MOB3C: variants seen among roughly 807,000 people sequenced by gnomAD.
MOB3C encodes the protein MOB kinase activator 3C.
In MOB3C, 17 loss-of-function variants were observed where a neutral mutation model predicts 19.8. The ratio of observed to expected loss-of-function variants is 0.86; its 90% confidence interval spans 0.59 to 1.29. MOB3C has a LOEUF of 1.29. MOB3C is among the 50% of genes most tolerant of loss of function. The probability of loss-of-function intolerance (pLI) is 0.00; values close to 1 mark genes in which losing one functional copy is unlikely to be tolerated. For missense variants in MOB3C, 291 were observed against 301.9 expected, an observed-to-expected ratio of 0.96 and a Z score of 0.27; for synonymous variants, 101 against 119.2, an observed-to-expected ratio of 0.85 and a Z score of 0.99.
Position 46,608,638 on chromosome 1 carries a change from G to C in MOB3C, c.*1017C>G, listed in dbSNP as rs918790269. 6 of 152,636 alleles carry C rather than the reference G, an allele frequency of 3.9e-5. No individual in the cohort carries two copies. The highest frequency in any genetic ancestry group is 8.8e-5 in the Non-Finnish European group (6 of 68,052). The allele number at this position is 152,636 out of a possible 1,614,324, so 9.5% of individuals were successfully genotyped here. A position where few individuals can be genotyped will look rare whatever the true frequency, so the allele number is the denominator to read the frequency against. Reference sequence around the variant, plus strand: ...CTGGGATGGGAGACAAGACTCCAAAGTTCCCAATTCAAGTTCCACAAGCTC... The same window carrying C: ...CTGGGATGGGAGACAAGACTCCAAACTTCCCAATTCAAGTTCCACAAGCTC... On this transcript the variant is annotated 3_prime_UTR_variant, in exon 4 of 4. Coordinates refer to ENST00000319928, the MANE Select transcript of MOB3C (RefSeq NM_201403.3). This position sits in a 1 kb window ranked among gnomAD's most constrained non-coding sequence, Gnocchi z 4.5.
chr1:46,612,940 G>C lies in MOB3C; in HGVS notation c.382C>G (p.Leu128Val). Residue 128 changes from leucine to valine, a missense_variant, in exon 2 of 4, where the codon CTC (leucine) becomes GTC (valine). Coordinates refer to ENST00000319928, the MANE Select transcript of MOB3C (RefSeq NM_201403.3). ...GGAAAGACCTCTTCGTCGTTGATGA[G>C]GCCTTCGATCCAGTCCATGAGCAAT... ...MALLMDWIEGLINDEEVFPTR... is the reference protein window; with the variant it reads ...MALLMDWIEGVINDEEVFPTR... 1 of 1,570,814 alleles carries C rather than the reference G, an allele frequency of 6.4e-7. No homozygotes were observed. The highest frequency in any genetic ancestry group is 8.7e-7 in the Non-Finnish European group (1 of 1,155,030).
chr1:46,613,347 C>T lies in MOB3C; in HGVS notation c.-26G>A. 1 of 1,599,796 alleles carries T rather than the reference C, an allele frequency of 6.3e-7. No individual in the cohort carries two copies. The highest frequency in any genetic ancestry group is 1.3e-5 in the African/African-American group (1 of 74,958). On this transcript the variant is annotated 5_prime_UTR_variant, in exon 2 of 4. Transcript: ENST00000319928. ...GGCCAGCTGGGCCTGGGGCTGCTGT[C>T]CAGGGGCTCGGACCTGAGGATACCC...
In MOB3C at chr1:46,611,295, C is replaced by A. The variant is rs1675467227; in HGVS notation, c.419-1091G>T. Among the ~76,000 whole-genome samples the A allele has an allele frequency of 6.6e-6, 1 of 152,120 alleles. No individual in the cohort carries two copies. Among genetic ancestry groups the A allele is most frequent in the African/African-American group, 2.4e-5 (1 of 41,414 alleles). On this transcript the variant is annotated intron_variant, in intron 2 of 3. Transcript: ENST00000319928. The surrounding 1 kb of genome is among the most constrained non-coding windows in gnomAD (Gnocchi z 4.1). ...TGCTTATAAAGGTGAAGCTGCTAGCCCAAGGCCACATAAGTATTAATCAGT... is the reference window on the plus strand; with the variant it reads ...TGCTTATAAAGGTGAAGCTGCTAGCACAAGGCCACATAAGTATTAATCAGT...
At chr1:46,613,610 AT>A in intron 1 of MOB3C, 1 of 550,076 alleles carries the variant, frequency 1.8e-6, no homozygotes, top group Non-Finnish European at 3.2e-6. Context: ...TTCTGCTTTC[AT>A]TGCAGAGCTG....
chr1:46,613,340 C>A lies in MOB3C; in HGVS notation c.-19G>T. On this transcript the variant is annotated 5_prime_UTR_variant, in exon 2 of 4. Transcript: ENST00000319928. ...GGGCCATGGCCAGCTGGGCCTGGGG[C>A]TGCTGTCCAGGGGCTCGGACCTGAG... 2.5e-6 allele frequency: 4 copies of A among 1,600,872 alleles called. No homozygotes were observed. Among genetic ancestry groups the A allele is most frequent in the Non-Finnish European group, 3.4e-6 (4 of 1,179,708 alleles).
chr1:46,610,203 T>C lies in MOB3C; in HGVS notation c.420A>G (p.Gly140=), dbSNP rs1220225996. The C allele has an allele frequency of 6.2e-7, 1 of 1,613,848 alleles. No individual in the cohort carries two copies. Among genetic ancestry groups the C allele is most frequent in the Admixed American group, 1.7e-5 (1 of 59,998 alleles). Residue 140 remains glycine (G), a splice_region_variant and synonymous_variant, in exon 3 of 4, where the codon GGA becomes GGG. Transcript: ENST00000319928. ...GCTGGAAGTTCTTAGGGAAGGGAAC[T>C]CCTAGAGGGCAGGGGAGGGCAGAAG... ...NDEEVFPTRV[G]VPFPKNFQQV...
chr1:46,613,699 C>T (rs1675515354), intron 1 of MOB3C: 7 of 336,162 alleles, frequency 2.1e-5, no homozygotes, highest in Non-Finnish European at 3.9e-5. Context: ...TGCAGGCCCA[C>T]CAGCAGACAG....
At position 46,609,489 on chromosome 1, in the gene MOB3C, C is replaced by G. The variant is rs1675424668; in HGVS notation, c.*166G>C. The G allele has an allele frequency of 1.2e-6, 1 of 826,234 alleles. No homozygotes were observed. Among genetic ancestry groups the G allele is most frequent in the Admixed American group, 2.1e-5 (1 of 47,788 alleles). The allele number at this position is 826,234 out of a possible 1,614,324, so 51.2% of individuals were successfully genotyped here. A position where few individuals can be genotyped will look rare whatever the true frequency, so the allele number is the denominator to read the frequency against. ...CTCCCCTTCTCCATCCACAAGCGGT[C>G]AGGGCGACAGGTAGGCAGACTCCTG... On this transcript the variant is annotated 3_prime_UTR_variant, in exon 4 of 4. Coordinates refer to ENST00000319928, the MANE Select transcript of MOB3C (RefSeq NM_201403.3).
chr1:46,612,821 C>G, intron 2 of MOB3C, 83 bp downstream of exon 2: 2 of 1,367,382 alleles, frequency 1.5e-6, no homozygotes, highest in Admixed American at 2.4e-5. Flanking sequence ...CAACCCCCAA[C>G]CCTGCAGAGT....
In MOB3C at chr1:46,610,214, AG is replaced by A; in HGVS notation, c.419-11del. 1.9e-6 allele frequency: 3 copies of A among 1,613,640 alleles called. No homozygotes were observed. Among genetic ancestry groups the A allele is most frequent in the African/African-American group, 1.3e-5 (1 of 75,028 alleles). On this transcript the variant is annotated splice_polypyrimidine_tract_variant and intron_variant, in intron 2 of 3. Coordinates refer to ENST00000319928, the MANE Select transcript of MOB3C (RefSeq NM_201403.3). ...TTAGGGAAGGGAACTCCTAGAGGGC[AG>A]GGGAGGGCAGAAGGGGATCAGTATC...
chr1:46,616,415 C>CTT (rs1675561584), intron 1 of MOB3C: 1 of 152,796 alleles, frequency 6.5e-6, no homozygotes, highest in South Asian at 2.1e-4. Context: ...CAACCTCAAA[C>CTT]CAGCTCCCAG....
chr1:46,615,137 AT>A, intron 1 of MOB3C: 1 of 1,363,440 alleles, frequency 7.3e-7, no homozygotes, highest in Non-Finnish European at 1.0e-6. Flanking sequence ...TCACACTGCA[AT>A]TAGGCGGGGC....
At chr1:46,614,924 A>G in intron 1 of MOB3C, 2 of 1,415,250 alleles carry the variant, frequency 1.4e-6, no homozygotes, top group Non-Finnish European at 2.0e-6. Context: ...CTTGGAGAGT[A>G]GAAACAGGCC....
rs1675469492 is a variant in MOB3C at position 46,611,455 on chromosome 1, C to T, written c.419-1251G>A. ...GGCAGAGATCTTGGTGGCTTATGCCCTCTTCTCTGTGTGGCAGTCACCCAG... is the reference window on the plus strand; with the variant it reads ...GGCAGAGATCTTGGTGGCTTATGCCTTCTTCTCTGTGTGGCAGTCACCCAG... On this transcript the variant is annotated intron_variant, in intron 2 of 3. Transcript: ENST00000319928. The surrounding 1 kb of genome is among the most constrained non-coding windows in gnomAD (Gnocchi z 4.1). Among the ~76,000 whole-genome samples, 1 of 152,182 alleles carries T rather than the reference C, an allele frequency of 6.6e-6. No individual in the cohort carries two copies. The highest frequency in any genetic ancestry group is 1.5e-5 in the Non-Finnish European group (1 of 68,032).
rs1005687121 is a variant in MOB3C, at chr1:46,613,542, G to A, written c.-50-171C>T. On this transcript the variant is annotated intron_variant, in intron 1 of 3. Transcript: ENST00000319928. ...GGTCCAGTGCCCCGCCCTCTTTCCA[G>A]GCTATGTTAGTCCCCCTTGCTAAGC... is the stretch of plus-strand genomic sequence containing the variant. 1.6e-5 allele frequency: 10 copies of A among 636,034 alleles called. No homozygotes were observed. In the African/African-American group the frequency reaches 1.8e-4, roughly 12 times the overall value. The allele number at this position is 636,034 out of a possible 1,614,324, so 39.4% of individuals were successfully genotyped here.
At position 46,612,910 on chromosome 1, in the gene MOB3C, G is replaced by T. The variant is rs1489911773; in HGVS notation, c.412C>A (p.Arg138Ser). The change falls in exon 2 of 4, where the codon CGT becomes AGT. Residue 138 changes from arginine (R) to serine (S), a missense_variant. Transcript: ENST00000319928. ...LINDEEVFPT[R>S]VGVPFPKNFQ... is the part of the protein sequence containing the mutation. ...CCCGCCAGGTGACACTCACCAACAC[G>T]CGTGGGAAAGACCTCTTCGTCGTTG... 4 of 1,549,206 alleles carry T rather than the reference G, an allele frequency of 2.6e-6. No individual in the cohort carries two copies. Among genetic ancestry groups the T allele is most frequent in the Non-Finnish European group, 1.7e-6 (2 of 1,145,308 alleles).
chr1:46,609,598 C>T lies in MOB3C; in HGVS notation c.*57G>A, dbSNP rs1445615512. On this transcript the variant is annotated 3_prime_UTR_variant, in exon 4 of 4. Transcript: ENST00000319928. ...TTCAGGCTCCTGGGGGTCCCCTCTG[C>T]CAGCCACCCTATGTTCAGATCGTCC... 9 of 1,611,362 alleles carry T rather than the reference C, an allele frequency of 5.6e-6. No individual in the cohort carries two copies. In the East Asian group the frequency reaches 1.6e-4, roughly 28 times the overall value.
Position 46,609,659 on chromosome 1 carries a change from T to C in MOB3C, c.647A>G (p.His216Arg), listed in dbSNP as rs759007613. The C allele has an allele frequency of 6.2e-7, 1 of 1,614,128 alleles. No individual in the cohort carries two copies. Among genetic ancestry groups the C allele is most frequent in the Non-Finnish European group, 8.5e-7 (1 of 1,180,020 alleles). ...CAAAAAAGTCCAGACCTGGGCTCAG[T>C]GGCAGATCCGCTCTGTCATCTCCCT... ...PLREMTERICH is the reference protein window; with the variant it reads ...PLREMTERICR The change falls in exon 4 of 4, where the codon CAC (histidine) becomes CGC (arginine). Residue 216 changes from histidine to arginine, a missense_variant. Physicochemically the swap from His to Arg is conservative, Grantham distance 29. Transcript: ENST00000319928.
In MOB3C at chr1:46,611,608, T is replaced by C. The variant is rs1332188300; in HGVS notation, c.418+1296A>G. ...TAGACCCCCTCCTCTTCCTCACCAT[T>C]CCCAGGTGGGGTCGAGCCTTCCCTC... is the stretch of plus-strand genomic sequence containing the variant. On this transcript the variant is annotated intron_variant, in intron 2 of 3. Coordinates refer to ENST00000319928, the MANE Select transcript of MOB3C (RefSeq NM_201403.3). This position sits in a 1 kb window ranked among gnomAD's most constrained non-coding sequence, Gnocchi z 4.1. Among the ~76,000 whole-genome samples, 1 of 152,030 alleles carries C rather than the reference T, an allele frequency of 6.6e-6. No individual in the cohort carries two copies. The highest frequency in any genetic ancestry group is 2.4e-5 in the African/African-American group (1 of 41,374).
Sources: allele counts gnomAD v4.1 joint callset (sites outside exome capture counted in the v4.1 genomes callset), GRCh38; gene constraint gnomAD v4.1.1; non-coding constraint Gnocchi (gnomAD v3.1); transcripts MANE v1.5; gene names NCBI Gene and HGNC (gene_info 2026-07-23, HGNC 2026-07-21).